Variants in GABRA3 observed in about 807,000 individuals in gnomAD.
GABRA3 encodes gamma-aminobutyric acid receptor subunit alpha-3.
GABRA3 carries 10 observed loss-of-function variants against 30.1 expected under a neutral mutation model. That is an observed-to-expected ratio of 0.33 (90% confidence interval 0.20 to 0.56). GABRA3 has a LOEUF of 0.56. Ranked by LOEUF, GABRA3 falls within the 20% of genes least tolerant of loss-of-function variation. GABRA3 has a pLI of 0.89. For missense variants in GABRA3, 233 were observed against 392.0 expected (o/e 0.59, Z 3.42); for synonymous variants, 151 against 146.8 (o/e 1.03, Z -0.21).
chrX:152,232,340 G>A (rs1024480845), intron 5 of GABRA3, among the ~76,000 whole-genome samples: 4 of 109,456 alleles, frequency 3.7e-5, no homozygotes, highest in South Asian at 3.9e-4. Context: ...GTGAAATTAC[G>A]GTTTTTAGTG....
At chrX:152,190,504 A>ATT (rs199850641) in intron 8 of GABRA3, among the ~76,000 whole-genome samples, 44 of 107,193 alleles carry the variant, frequency 4.1e-4, no homozygotes, top group African/African-American at 1.5e-3. Flanking sequence ...TCCCTAACCT[A>ATT]TTTTTTTTTC....
intron 1 of GABRA3, among the ~76,000 whole-genome samples, chrX:152,446,030 C>T (rs1453248391): frequency 8.9e-6 from 1 of 112,073 alleles, no homozygotes; most frequent in Non-Finnish European, 1.9e-5. Context: ...TTAAGTAAGT[C>T]ACTGCTCCTG....
At chrX:152,433,673 A>T (rs1329805780) in intron 1 of GABRA3, among the ~76,000 whole-genome samples, 1 of 104,747 alleles carries the variant, frequency 9.5e-6, no homozygotes, top group Non-Finnish European at 1.9e-5. Context: ...TAAAAATAAG[A>T]GCAGAATTCA....
chrX:152,217,367 G>A (rs1477866003), intron 6 of GABRA3, among the ~76,000 whole-genome samples: 1 of 111,362 alleles, frequency 9.0e-6, no homozygotes, highest in Non-Finnish European at 1.9e-5. Context: ...GAAGATTTTT[G>A]TGTCTATACT....
At chrX:152,204,721 G>T (rs1057135868) in intron 7 of GABRA3, among the ~76,000 whole-genome samples, 2 of 111,739 alleles carry the variant, frequency 1.8e-5, no homozygotes, top group African/African-American at 6.5e-5. Flanking sequence ...AAGAAAACAA[G>T]AATGACAATA....
At chrX:152,333,844 A>G (rs1468314740) in intron 3 of GABRA3, among the ~76,000 whole-genome samples, 2 of 112,028 alleles carry the variant, frequency 1.8e-5, no homozygotes, top group Admixed American at 1.9e-4. Flanking sequence ...AAGTTTACTT[A>G]TATATTCAAT....
chrX:152,222,172 C>T (rs928955721), intron 6 of GABRA3, among the ~76,000 whole-genome samples: 1 of 110,103 alleles, frequency 9.1e-6, no homozygotes, highest in Non-Finnish European at 1.9e-5. Context: ...AGTAGTGCTG[C>T]GATGAACATA....
Position 152,299,111 on chromosome X carries a change from C to T in GABRA3, c.263-14376G>A, listed in dbSNP as rs149355901. On this transcript the variant is annotated intron_variant, in intron 3 of 9. Coordinates refer to ENST00000370314, the MANE Select transcript of GABRA3 (RefSeq NM_000808.4). ...GTATAACCCCTCTGTTCCAAACATA[C>T]AATAATGGTAGGTAAAATATAAAAG... 1.4e-4 allele frequency among the ~76,000 whole-genome samples: 15 copies of T among 109,437 alleles called. No individual in the cohort carries two copies. In the East Asian group the frequency reaches 2.6e-3, roughly 19 times the overall value.
At chrX:152,272,452 A>G (rs1569376995) in intron 4 of GABRA3, among the ~76,000 whole-genome samples, 1 of 112,150 alleles carries the variant, frequency 8.9e-6, no homozygotes. Context: ...CAGCGCCTGT[A>G]CCCCCATTGT....
chrX:152,441,574 G>A (rs1045378290), intron 1 of GABRA3, among the ~76,000 whole-genome samples: 9 of 111,798 alleles, frequency 8.1e-5, no homozygotes, highest in African/African-American at 2.9e-4. Context: ...GATGAAGGCA[G>A]TGAACAGTAA....
rs1250611189 is a variant in GABRA3 at position 152,270,920 on chromosome X, G to A, written c.330+13748C>T. Among the ~76,000 whole-genome samples, 6 of 106,512 alleles carry A rather than the reference G, an allele frequency of 5.6e-5. No homozygotes were observed. The Admixed American group carries it at 6.1e-4, about 11-fold the overall frequency. 92.5% of individuals were successfully genotyped at this position (106,512 alleles called of 115,157 possible). ...ACTTCCTGGAGACTTGGAGGCCTGAGAAGACAGGAACATGTGGGAATGTTT... is the reference window on the plus strand; with the variant it reads ...ACTTCCTGGAGACTTGGAGGCCTGAAAAGACAGGAACATGTGGGAATGTTT... On this transcript the variant is annotated intron_variant, in intron 4 of 9. Coordinates refer to ENST00000370314, the MANE Select transcript of GABRA3 (RefSeq NM_000808.4).
At chrX:152,182,814 C>T (rs1280055724) in intron 9 of GABRA3, among the ~76,000 whole-genome samples, 17 of 42,973 alleles carry the variant, frequency 4.0e-4, no homozygotes, top group African/African-American at 1.3e-3. Flanking sequence ...TATATTTACA[C>T]CATATATATA....
At chrX:152,290,219 A>C (rs1390251816) in intron 3 of GABRA3, among the ~76,000 whole-genome samples, 1 of 111,785 alleles carries the variant, frequency 8.9e-6, no homozygotes, top group Non-Finnish European at 1.9e-5. Context: ...CTGGTGTGTG[A>C]TGGTACCCCA....
chrX:152,335,055 C>A (rs2124475967), intron 3 of GABRA3, among the ~76,000 whole-genome samples: 1 of 111,628 alleles, frequency 9.0e-6, no homozygotes, highest in Admixed American at 9.6e-5. Context: ...TTCTTCCTTT[C>A]TTGCTCCCAG....
intron 9 of GABRA3, among the ~76,000 whole-genome samples, chrX:152,181,493 A>G (rs1265918163): frequency 9.1e-6 from 1 of 110,322 alleles, no homozygotes; most frequent in Non-Finnish European, 1.9e-5. Context: ...ATCAGGCCAT[A>G]AAAAATGATG....
chrX:152,344,530 G>A (rs915473982), intron 3 of GABRA3, among the ~76,000 whole-genome samples: 2 of 111,342 alleles, frequency 1.8e-5, no homozygotes, highest in Admixed American at 9.6e-5. Context: ...AAGACTATTG[G>A]GTGTAAGCTG....
chrX:152,409,442 A>G (rs1338403830), intron 1 of GABRA3, among the ~76,000 whole-genome samples: 1 of 111,510 alleles, frequency 9.0e-6, no homozygotes, highest in Admixed American at 9.5e-5. Context: ...TTAGGGAAAC[A>G]CTCCAGGACA....
chrX:152,353,490 T>G (rs1940507464), intron 2 of GABRA3, among the ~76,000 whole-genome samples: 3 of 111,714 alleles, frequency 2.7e-5, no homozygotes. Flanking sequence ...ATGGTTAATC[T>G]GAATGACTGT....
intron 4 of GABRA3, among the ~76,000 whole-genome samples, chrX:152,273,955 G>T (rs1033856654): frequency 9.0e-5 from 10 of 111,629 alleles, no homozygotes; most frequent in Non-Finnish European, 1.7e-4. Context: ...GTGGCTATAT[G>T]CTATGTACAT....
Sources: gnomAD v4.1 joint callset for allele counts (sites outside exome capture counted in the v4.1 genomes callset) on GRCh38, gnomAD v4.1.1 for gene constraint, MANE v1.5 for transcripts, NCBI Gene and HGNC (gene_info 2026-07-23, HGNC 2026-07-21) for gene names.